ERBIN: variants seen among roughly 807,000 people sequenced by gnomAD.
The protein encoded by ERBIN is densin-180-like protein.
Under a neutral mutation model 158.4 loss-of-function variants are expected in ERBIN, and 60 were observed. The ratio of observed to expected loss-of-function variants is 0.38; its 90% CI spans 0.31 to 0.47. The LOEUF (loss-of-function observed/expected upper bound fraction) is 0.47. ERBIN is among the 20% of genes least tolerant of loss of function. The pLI is 0.99. For missense variants in ERBIN, 1,610 were observed against 1,648.0 expected (o/e 0.98, Z 0.40); for synonymous variants, 594 against 557.2 (o/e 1.07, Z -0.93).
At position 66,075,091 on chromosome 5, in the gene ERBIN, A is replaced by AC; in HGVS notation, c.3830dup (p.Gln1278SerfsTer10). 2 of 1,614,058 alleles carry AC rather than the reference A, an allele frequency of 1.2e-6. No individual in the cohort carries two copies. The highest frequency in any genetic ancestry group is 1.7e-6 in the Non-Finnish European group (2 of 1,179,990). ...CAGGCAAATTATAGTCAAATACATCACCCCCCTCAGGCATCTGTGGCAAGG... is the reference window on the plus strand; with the variant it reads ...CAGGCAAATTATAGTCAAATACATCACCCCCCCTCAGGCATCTGTGGCAAGG... On this transcript the variant is annotated frameshift_variant, in exon 23 of 26. Coordinates refer to ENST00000284037, the MANE Select transcript of ERBIN (RefSeq NM_001253697.2). LOFTEE classifies it high-confidence loss of function.
intron 21 of ERBIN, among the ~76,000 whole-genome samples, chr5:66,059,408 A>C (rs1759998110): frequency 6.6e-6 from 1 of 152,218 alleles, no homozygotes; most frequent in Non-Finnish European, 1.5e-5. Flanking sequence ...ACTTTGCTGA[A>C]GTTGCTTATC....
chr5:66,027,685 C>T (rs1449577517), intron 13 of ERBIN, among the ~76,000 whole-genome samples: 1 of 151,912 alleles, frequency 6.6e-6, no homozygotes, highest in Non-Finnish European at 1.5e-5. Flanking sequence ...AGGTTATATG[C>T]AAATACTATA....
chr5:66,045,280 CA>C (rs1234265963), intron 17 of ERBIN, among the ~76,000 whole-genome samples: 3 of 152,074 alleles, frequency 2.0e-5, no homozygotes, highest in Non-Finnish European at 4.4e-5. Flanking sequence ...TGTCATAACA[CA>C]ACTTTCCTAT....
At chr5:66,060,990 G>A (rs1481337511) in intron 21 of ERBIN, among the ~76,000 whole-genome samples, 3 of 152,184 alleles carry the variant, frequency 2.0e-5, no homozygotes, top group Non-Finnish European at 4.4e-5. Context: ...TGGAATAGGT[G>A]TGGTGTGGTG....
chr5:65,958,065 G>T (rs1230564303), intron 1 of ERBIN, among the ~76,000 whole-genome samples: 4 of 151,630 alleles, frequency 2.6e-5, no homozygotes, highest in African/African-American at 9.7e-5. Context: ...GACGATGGGC[G>T]GCAGGGCAGA....
intron 14 of ERBIN, among the ~76,000 whole-genome samples, chr5:66,035,759 C>T (rs1370953214): frequency 3.3e-5 from 5 of 152,140 alleles, no homozygotes; most frequent in African/African-American, 9.7e-5. Flanking sequence ...ATCAAAATTT[C>T]ATCTTTTTTG....
intron 1 of ERBIN, among the ~76,000 whole-genome samples, chr5:65,963,905 TTCTCCTG>T (rs1227873443): frequency 6.6e-6 from 1 of 151,604 alleles, no homozygotes; most frequent in African/African-American, 2.4e-5. Flanking sequence ...ATAAAAGCCA[TTCTCCTG>T]CCTCAGCTTC....
intron 6 of ERBIN, 103 bp downstream of exon 6, chr5:66,013,741 C>G: frequency 1.5e-6 from 1 of 659,846 alleles, no homozygotes; most frequent in Non-Finnish European, 2.6e-6. Context: ...TTCATAGGCT[C>G]TTTTTAAATT....
At position 66,043,161 on chromosome 5, in the gene ERBIN, G is replaced by T; in HGVS notation, c.1391G>T (p.Cys464Phe). ...RKQRAQVAFE[C>F]DEDKDEREAP... Reference sequence around the variant, plus strand: ...CAGCGGGCTCAAGTTGCATTTGAATGTGATGAAGACAAAGATGAAAGGGAG... The same window carrying T: ...CAGCGGGCTCAAGTTGCATTTGAATTTGATGAAGACAAAGATGAAAGGGAG... Residue 464 changes from cysteine to phenylalanine, a missense_variant, in exon 16 of 26, where the codon TGT (cysteine) becomes TTT (phenylalanine). Transcript: ENST00000284037. 1.2e-6 allele frequency: 2 copies of T among 1,613,526 alleles called. No homozygotes were observed. The highest frequency in any genetic ancestry group is 1.7e-6 in the Non-Finnish European group (2 of 1,179,536).
At chr5:66,063,628 C>A (rs1034760183) in intron 21 of ERBIN, among the ~76,000 whole-genome samples, 4 of 152,198 alleles carry the variant, frequency 2.6e-5, no homozygotes, top group African/African-American at 9.6e-5. Flanking sequence ...TCTTCTGCGT[C>A]GCTCACGCTG....
chr5:65,984,128 C>T (rs1043500969), intron 1 of ERBIN, among the ~76,000 whole-genome samples: 5 of 141,734 alleles, frequency 3.5e-5, no homozygotes, highest in African/African-American at 9.5e-5. Flanking sequence ...ACATATTGGC[C>T]GGCAAGGAAT....
intron 4 of ERBIN, among the ~76,000 whole-genome samples, chr5:66,009,051 C>T (rs1228869488): frequency 2.0e-5 from 3 of 152,180 alleles, no homozygotes; most frequent in Non-Finnish European, 4.4e-5. Context: ...ATTCAAAACT[C>T]CCTCTGCTTA....
intron 1 of ERBIN, among the ~76,000 whole-genome samples, chr5:65,961,775 G>T (rs1325432777): frequency 6.6e-6 from 1 of 152,108 alleles, no homozygotes; most frequent in Non-Finnish European, 1.5e-5. Flanking sequence ...AGAATGTGTG[G>T]TGATGAATTT....
chr5:65,984,467 ACTCCATACCCACCAGG>A (rs1287225355), intron 1 of ERBIN, among the ~76,000 whole-genome samples: 1 of 151,030 alleles, frequency 6.6e-6, no homozygotes, highest in Non-Finnish European at 1.5e-5. Flanking sequence ...AATCCCCTTC[ACTCCATACCCACCAGG>A]CTTCATGCCC....
chr5:66,070,575 G>T (rs756068435), intron 21 of ERBIN, among the ~76,000 whole-genome samples: 11 of 151,806 alleles, frequency 7.2e-5, no homozygotes, highest in Non-Finnish European at 1.6e-4. Flanking sequence ...TACATTCATG[G>T]TGTGCTTGTT....
chr5:66,050,658 A>G (rs1230942305), intron 19 of ERBIN, 125 bp from the exon 20 acceptor site: 1 of 500,994 alleles, frequency 2.0e-6, no homozygotes, highest in African/African-American at 2.0e-5. Flanking sequence ...GCTTCCAATT[A>G]TCAATATAAT....
At chr5:66,046,175 G>A (rs1427072666) in intron 17 of ERBIN, among the ~76,000 whole-genome samples, 178 bp from the exon 18 acceptor site, 1 of 152,116 alleles carries the variant, frequency 6.6e-6, no homozygotes, top group Non-Finnish European at 1.5e-5. Flanking sequence ...TGGGGGCCAC[G>A]TGCTCCTAAA....
rs70987104 is a variant in ERBIN, at chr5:65,964,908, T to TTGTGTGTGTGTGTG, written c.-57-23703_-57-23690dup. 2.6e-3 allele frequency among the ~76,000 whole-genome samples: 282 copies of TTGTGTGTGTGTGTG among 107,242 alleles called. 3 individuals carry two copies. The highest frequency in any genetic ancestry group is 0.011 in the African/African-American group (267 of 25,294). 70.4% of individuals were successfully genotyped at this position (107,242 alleles called of 152,430 possible). ...GCGTGGGCCACCACGCCTGGCTGATTTGTGTGTGTGTGTGTGTGTGTGTGT... is the reference window on the plus strand; with the variant it reads ...GCGTGGGCCACCACGCCTGGCTGATTTGTGTGTGTGTGTGTGTGTGTGTGTGTGTGTGTGTGTGT... On this transcript the variant is annotated intron_variant, in intron 1 of 25. Coordinates refer to ENST00000284037, the MANE Select transcript of ERBIN (RefSeq NM_001253697.2).
In ERBIN at chr5:65,949,794, C is replaced by T. The variant is rs140266410; in HGVS notation, c.-58+22988C>T. On this transcript the variant is annotated intron_variant, in intron 1 of 25. Coordinates refer to ENST00000284037, the MANE Select transcript of ERBIN (RefSeq NM_001253697.2). Reference sequence around the variant, plus strand: ...AATGTCCTCTTGCTATTTTGGGATCCAGTGTAAGAGACCATGTTGTATTTA... The same window carrying T: ...AATGTCCTCTTGCTATTTTGGGATCTAGTGTAAGAGACCATGTTGTATTTA... Among the ~76,000 whole-genome samples the T allele has an allele frequency of 4.2e-3, 646 of 152,166 alleles. 5 individuals are homozygous for T. The highest frequency in any genetic ancestry group is 0.014 in the African/African-American group (594 of 41,518).
Sources: allele counts gnomAD v4.1 joint callset (sites outside exome capture counted in the v4.1 genomes callset), GRCh38; gene constraint gnomAD v4.1.1; transcripts MANE v1.5; gene names NCBI Gene and HGNC (gene_info 2026-07-23, HGNC 2026-07-21).